The following SPATS2 variants were observed in gnomAD, a reference collection of about 807,000 sequenced individuals.
The protein encoded by SPATS2 is spermatogenesis associated serine rich 2, also known as spermatogenesis-associated serine-rich protein 2.
SPATS2 carries 38 observed loss-of-function variants against 63.7 expected under a neutral mutation model. The ratio of observed to expected loss-of-function variants is 0.60; its 90% CI spans 0.46 to 0.78. The LOEUF (loss-of-function observed/expected upper bound fraction) is 0.78. Ranked by LOEUF, SPATS2 falls within the 30% of genes least tolerant of loss-of-function variation. The pLI is 0.00. For missense variants in SPATS2, 588 were observed against 666.2 expected (o/e 0.88, Z 1.29); for synonymous variants, 207 against 232.9 (o/e 0.89, Z 1.01).
At chr12:49,467,766 C>G (rs926787950) in intron 3 of SPATS2, among the ~76,000 whole-genome samples, 1 of 152,008 alleles carries the variant, frequency 6.6e-6, no homozygotes, top group Non-Finnish European at 1.5e-5. Flanking sequence ...TGCAGTGGCG[C>G]GATCTTGGCT....
In SPATS2 at chr12:49,513,210, AGTGT is replaced by A. The variant is rs71860115; in HGVS notation, c.840-1322_840-1319del. 3.3e-3 allele frequency among the ~76,000 whole-genome samples: 490 copies of A among 148,110 alleles called. 2 individuals carry two copies. The highest frequency in any genetic ancestry group is 0.01 in the Middle Eastern group (3 of 290). ...AATTGAATTAGAGCGAGAGAGAAAG[AGTGT>A]GTGTGTGTGTGTGTGTGTGTGTTTG... On this transcript the variant is annotated intron_variant, in intron 9 of 13. Coordinates refer to ENST00000552918, the MANE Select transcript of SPATS2 (RefSeq NM_023071.4).
chr12:49,507,937 A>G (rs187986158), intron 9 of SPATS2, among the ~76,000 whole-genome samples: 62 of 152,344 alleles, frequency 4.1e-4, no homozygotes, highest in Non-Finnish European at 5.7e-4. Flanking sequence ...ACTGAGCTCA[A>G]TTACTAAGCT....
chr12:49,409,031 A>G (rs1484684650), intron 2 of SPATS2, among the ~76,000 whole-genome samples: 2 of 152,192 alleles, frequency 1.3e-5, no homozygotes, highest in African/African-American at 2.4e-5. Context: ...AGTTGGACAG[A>G]TGGAATAATA....
intron 2 of SPATS2, chr12:49,454,085 G>C (rs1043831626): frequency 6.6e-6 from 1 of 152,038 alleles, no homozygotes; most frequent in African/African-American, 2.4e-5. Flanking sequence ...GGATGGCCTT[G>C]ATCTCATGAC....
chr12:49,423,913 A>C (rs1413469087), intron 2 of SPATS2, among the ~76,000 whole-genome samples: 3 of 152,140 alleles, frequency 2.0e-5, no homozygotes. Flanking sequence ...TTCTATTAAG[A>C]GAACTCAGAC....
At chr12:49,414,457 ACAGAGACTGTATATGGCCCT>A (rs1388562858) in intron 2 of SPATS2, among the ~76,000 whole-genome samples, 1 of 152,184 alleles carries the variant, frequency 6.6e-6, no homozygotes, top group East Asian at 1.9e-4. Context: ...AAAAAGTTCA[ACAGAGACTGTATATGGCCCT>A]CAGCCTAAAA....
chr12:49,388,501 G>A (rs757788645), intron 2 of SPATS2, among the ~76,000 whole-genome samples: 120 of 151,712 alleles, frequency 7.9e-4, no homozygotes, highest in Non-Finnish European at 1.5e-3. Flanking sequence ...AGCCTTATGA[G>A]CAATTGGGAC....
Position 49,494,905 on chromosome 12 carries a change from T to A in SPATS2, c.429T>A (p.Ser143=), listed in dbSNP as rs754392758. The part of the protein sequence containing the change: ...HVNGAINDTE[S]VDSLSEGLET... ...ATGGTGCCATCAATGACACTGAGTC[T>A]GTGGACTCACTCAGTGAAGGTTTGG... Residue 143 remains serine, a synonymous_variant, in exon 7 of 14, where the codon TCT becomes TCA. Transcript: ENST00000552918. 1 of 1,613,990 alleles carries A rather than the reference T, an allele frequency of 6.2e-7. No homozygotes were observed. Among genetic ancestry groups the A allele is most frequent in the Non-Finnish European group, 8.5e-7 (1 of 1,179,912 alleles).
intron 3 of SPATS2, chr12:49,462,343 G>T: frequency 2.8e-6 from 2 of 702,418 alleles, no homozygotes; most frequent in Non-Finnish European, 5.2e-6. Flanking sequence ...GGCTGCTTCA[G>T]TACCAGCAGG....
intron 8 of SPATS2, among the ~76,000 whole-genome samples, chr12:49,498,145 A>AAAAAAAAAAAAATATAT (rs66900382): frequency 1.0e-5 from 1 of 98,980 alleles, no homozygotes; most frequent in Non-Finnish European, 1.9e-5. Flanking sequence ...AAAAAAAAAA[A>AAAAAAAAAAAAATATAT]ATATATATAT....
chr12:49,505,991 C>A (rs1946648724), intron 9 of SPATS2, among the ~76,000 whole-genome samples: 1 of 151,138 alleles, frequency 6.6e-6, no homozygotes. Context: ...CAGTAGAAAG[C>A]ATACTTTGTA....
In SPATS2 at chr12:49,400,693, C is replaced by T. The variant is rs148274703; in HGVS notation, c.-244+29403C>T. ...GGCAGCAACTAGGAGTAAGCATGGACGAGGAAATGTTCATTGATAGCTTGA... is the reference window on the plus strand; with the variant it reads ...GGCAGCAACTAGGAGTAAGCATGGATGAGGAAATGTTCATTGATAGCTTGA... On this transcript the variant is annotated intron_variant, in intron 2 of 13. Transcript: ENST00000552918. Among the ~76,000 whole-genome samples, 224 of 151,872 alleles carry T rather than the reference C, an allele frequency of 1.5e-3. 1 individual carries two copies. The highest frequency in any genetic ancestry group is 4.4e-3 in the African/African-American group (180 of 41,378).
At chr12:49,386,679 G>A (rs1944323741) in intron 2 of SPATS2, among the ~76,000 whole-genome samples, 1 of 152,152 alleles carries the variant, frequency 6.6e-6, no homozygotes, top group South Asian at 2.1e-4. Context: ...GGTAAGGAGG[G>A]GAGGACATGA....
intron 2 of SPATS2, among the ~76,000 whole-genome samples, chr12:49,421,115 T>C (rs1944973063): frequency 6.6e-6 from 1 of 152,088 alleles, no homozygotes; most frequent in Non-Finnish European, 1.5e-5. Flanking sequence ...TTTGCACGTG[T>C]ATACGTAAAA....
At chr12:49,520,963 C>T (rs1592483681) in intron 11 of SPATS2, among the ~76,000 whole-genome samples, 2 of 152,258 alleles carry the variant, frequency 1.3e-5, no homozygotes. Flanking sequence ...AAGTGATGCA[C>T]TCATCTTGGC....
intron 1 of SPATS2, among the ~76,000 whole-genome samples, chr12:49,367,857 T>G (rs1050416493): frequency 1.3e-5 from 2 of 151,392 alleles, no homozygotes; most frequent in African/African-American, 4.9e-5. Context: ...GACTCTGGCG[T>G]GAGCGTGTGT....
rs528871720 is a variant in SPATS2 at position 49,521,128 on chromosome 12, A to C, written c.1009-1623A>C. Among the ~76,000 whole-genome samples, 13 of 152,344 alleles carry C rather than the reference A, an allele frequency of 8.5e-5. No individual in the cohort carries two copies. The South Asian group carries it at 2.7e-3, about 32-fold the overall frequency. Reference sequence around the variant, plus strand: ...TTGGCATTCTAAATAATTGCTTATAAACTGCAAGCTGTAACAAAGGGAGTT... The same window carrying C: ...TTGGCATTCTAAATAATTGCTTATACACTGCAAGCTGTAACAAAGGGAGTT... On this transcript the variant is annotated intron_variant, in intron 11 of 13. Coordinates refer to ENST00000552918, the MANE Select transcript of SPATS2 (RefSeq NM_023071.4).
intron 2 of SPATS2, among the ~76,000 whole-genome samples, chr12:49,431,012 A>G (rs1310414954): frequency 6.6e-6 from 1 of 152,114 alleles, no homozygotes; most frequent in East Asian, 1.9e-4. Flanking sequence ...AGGGTGCGCT[A>G]TTAATTTTTT....
chr12:49,504,278 A>G (rs1215679167), intron 9 of SPATS2, among the ~76,000 whole-genome samples: 1 of 152,254 alleles, frequency 6.6e-6, no homozygotes, highest in Non-Finnish European at 1.5e-5. Context: ...TGACACACCT[A>G]TAGAAAGGTA....
Sources: gnomAD v4.1 joint callset for allele counts (sites outside exome capture counted in the v4.1 genomes callset) on GRCh38, gnomAD v4.1.1 for gene constraint, MANE v1.5 for transcripts, NCBI Gene and HGNC (gene_info 2026-07-23, HGNC 2026-07-21) for gene names.